The following DLG2 variants were observed in gnomAD, a reference collection of about 807,000 sequenced individuals.
DLG2 encodes disks large homolog 2.
Under a neutral mutation model 132.5 loss-of-function variants are expected in DLG2, and 45 were observed. The observed-to-expected ratio is 0.34, with a 90% confidence interval of 0.27 to 0.44. DLG2 has a LOEUF of 0.44. Ranked by LOEUF, DLG2 falls within the 20% of genes least tolerant of loss-of-function variation. The pLI, the probability that DLG2 is intolerant of heterozygous loss-of-function variation, is 1.00. For missense variants in DLG2, 1,045 were observed against 1,196.9 expected (o/e 0.87, Z 1.87); for synonymous variants, 424 against 419.6 (o/e 1.01, Z -0.13).
At chr11:84,968,757 G>A (rs1047200924) in intron 6 of DLG2, among the ~76,000 whole-genome samples, 1 of 152,062 alleles carries the variant, frequency 6.6e-6, no homozygotes, top group African/African-American at 2.4e-5. Flanking sequence ...AAAATTAAGG[G>A]AGAGGGCAAT....
intron 3 of DLG2, among the ~76,000 whole-genome samples, chr11:85,501,297 A>T (rs998979854): frequency 6.6e-6 from 1 of 152,220 alleles, no homozygotes; most frequent in Admixed American, 6.5e-5. Context: ...TAAACATAAG[A>T]CCTAGGACCA....
intron 6 of DLG2, among the ~76,000 whole-genome samples, chr11:85,062,356 A>G (rs1388625722): frequency 6.6e-6 from 1 of 151,796 alleles, no homozygotes; most frequent in Non-Finnish European, 1.5e-5. Flanking sequence ...AAAATATTTT[A>G]TTTGTAATAG....
intron 7 of DLG2, among the ~76,000 whole-genome samples, chr11:84,496,173 T>A (rs2099183202): frequency 6.6e-6 from 1 of 152,208 alleles, no homozygotes; most frequent in South Asian, 2.1e-4. Context: ...AAGTTCAGAA[T>A]GTACCACCAT....
chr11:84,242,657 C>T (rs34396235), intron 8 of DLG2, among the ~76,000 whole-genome samples: 359 of 152,236 alleles, frequency 2.4e-3, no homozygotes, highest in Admixed American at 3.9e-3. Context: ...TTGCCCACCT[C>T]GGCCTCCCAT....
intron 18 of DLG2, among the ~76,000 whole-genome samples, chr11:83,737,278 CT>C (rs1184321227): frequency 5.9e-5 from 9 of 152,148 alleles, no homozygotes; most frequent in Non-Finnish European, 1.2e-4. Flanking sequence ...TTTAGAATTA[CT>C]TTTTCACTAC....
At chr11:84,165,597 A>C (rs1213124260) in intron 8 of DLG2, among the ~76,000 whole-genome samples, 1 of 152,150 alleles carries the variant, frequency 6.6e-6, no homozygotes. Context: ...TTGCAATGTA[A>C]CTTTGCTTTT....
intron 19 of DLG2, among the ~76,000 whole-genome samples, chr11:83,611,415 T>C (rs2060095705): frequency 6.6e-6 from 1 of 152,192 alleles, no homozygotes; most frequent in Admixed American, 6.5e-5. Flanking sequence ...GTAATCTTGG[T>C]AACCAAATCC....
At chr11:84,341,122 A>G (rs2098512388) in intron 7 of DLG2, among the ~76,000 whole-genome samples, 1 of 152,266 alleles carries the variant, frequency 6.6e-6, no homozygotes, top group African/African-American at 2.4e-5. Flanking sequence ...TCTCTATTCC[A>G]TTGCATAGTA....
At chr11:85,270,892 T>A (rs2077487836) in intron 4 of DLG2, among the ~76,000 whole-genome samples, 1 of 152,124 alleles carries the variant, frequency 6.6e-6, no homozygotes, top group Non-Finnish European at 1.5e-5. Flanking sequence ...TACAGTATTA[T>A]AAGGGAAGCA....
intron 14 of DLG2, among the ~76,000 whole-genome samples, chr11:83,953,931 CTAAAGA>C (rs2086150248): frequency 6.6e-6 from 1 of 152,090 alleles, no homozygotes; most frequent in Non-Finnish European, 1.5e-5. Flanking sequence ...CATCAATGAA[CTAAAGA>C]ATGAAAGCAA....
chr11:85,123,097 C>A (rs1365581766), intron 5 of DLG2, among the ~76,000 whole-genome samples: 1 of 149,496 alleles, frequency 6.7e-6, no homozygotes, highest in African/African-American at 2.5e-5. Context: ...CCTGCCTCAG[C>A]CTCCCAAGTA....
chr11:84,320,126 T>C (rs1162983094), intron 7 of DLG2, among the ~76,000 whole-genome samples: 2 of 152,184 alleles, frequency 1.3e-5, no homozygotes, highest in Non-Finnish European at 2.9e-5. Context: ...CAAGTACACA[T>C]CCTACTTATC....
intron 6 of DLG2, among the ~76,000 whole-genome samples, chr11:84,927,920 G>T (rs1178860929): frequency 6.6e-6 from 1 of 151,822 alleles, no homozygotes; most frequent in Non-Finnish European, 1.5e-5. Flanking sequence ...AAAAACACTA[G>T]GTATGTGGCT....
chr11:83,703,112 C>G (rs1020382724), intron 18 of DLG2, among the ~76,000 whole-genome samples: 14 of 152,192 alleles, frequency 9.2e-5, no homozygotes, highest in Admixed American at 7.2e-4. Flanking sequence ...CCTTTTAACC[C>G]AGCATCTTTA....
Position 85,021,496 on chromosome 11 carries a change from G to C in DLG2, c.357+90165C>G, listed in dbSNP as rs1314035838. ...TCTCTCATTAACATACTGAAAGAAG[G>C]CAAAGCCGTTATGAACAGAGGAGTC... On this transcript the variant is annotated intron_variant, in intron 6 of 27. Transcript: ENST00000376104. 1.6e-5 allele frequency: 24 copies of C among 1,472,604 alleles called. No individual in the cohort carries two copies. The South Asian group carries it at 1.9e-4, about 12-fold the overall frequency. The allele number at this position is 1,472,604 out of a possible 1,614,324, so 91.2% of individuals were successfully genotyped here.
chr11:83,828,770 T>C (rs1375080430), intron 17 of DLG2, among the ~76,000 whole-genome samples: 1 of 152,150 alleles, frequency 6.6e-6, no homozygotes, highest in African/African-American at 2.4e-5. Context: ...TAAAGCAGAG[T>C]TGATAGTAAT....
intron 18 of DLG2, among the ~76,000 whole-genome samples, chr11:83,670,945 T>C (rs1271361469): frequency 6.6e-6 from 1 of 152,224 alleles, no homozygotes; most frequent in Non-Finnish European, 1.5e-5. Flanking sequence ...CTGTGTCTCA[T>C]GGAAGGTGTA....
chr11:85,093,431 A>G (rs148756847), intron 6 of DLG2, among the ~76,000 whole-genome samples: 2 of 152,318 alleles, frequency 1.3e-5, no homozygotes, highest in African/African-American at 4.8e-5. Context: ...TCCTCTGGAA[A>G]TATCCTCACA....
intron 3 of DLG2, among the ~76,000 whole-genome samples, chr11:85,455,293 C>T (rs554261904): frequency 2.6e-5 from 4 of 151,954 alleles, no homozygotes; most frequent in Non-Finnish European, 4.4e-5. Flanking sequence ...CAATTGTAAA[C>T]GGGATTGTGT....
Sources: gnomAD v4.1 joint callset for allele counts (sites outside exome capture counted in the v4.1 genomes callset) on GRCh38, gnomAD v4.1.1 for gene constraint, MANE v1.5 for transcripts, NCBI Gene and HGNC (gene_info 2026-07-23, HGNC 2026-07-21) for gene names.